Variants in ARID5B observed in about 807,000 individuals in gnomAD.
The protein encoded by ARID5B is AT-rich interaction domain 5B.
A neutral mutation model predicts 97.2 loss-of-function variants in ARID5B; 13 were observed. The ratio of observed to expected loss-of-function variants is 0.13; its 90% confidence interval spans 0.09 to 0.21. The LOEUF is 0.21. Ranked by LOEUF, ARID5B falls within the 10% of genes least tolerant of loss-of-function variation. The pLI, the probability that ARID5B is intolerant of heterozygous loss-of-function variation, is 1.00. For missense variants in ARID5B, 1,210 were observed against 1,465.3 expected (o/e 0.83, Z 2.84); for synonymous variants, 556 against 570.3 (o/e 0.97, Z 0.36).
chr10:62,008,059 ACAACACACACAC>A (rs1839168742), intron 4 of ARID5B, among the ~76,000 whole-genome samples: 1 of 10,274 alleles, frequency 9.7e-5, no homozygotes, highest in Non-Finnish European at 2.0e-4. Flanking sequence ...CCCCCGCCCC[ACAACACACACAC>A]ACACACACAC....
chr10:61,932,027 A>G (rs1844218780), intron 2 of ARID5B, among the ~76,000 whole-genome samples: 1 of 152,180 alleles, frequency 6.6e-6, no homozygotes, highest in Admixed American at 6.5e-5. Flanking sequence ...AATTGAAAAT[A>G]TGGGTTCACA....
At chr10:61,954,864 G>C (rs1234106154) in intron 3 of ARID5B, among the ~76,000 whole-genome samples, 3 of 152,036 alleles carry the variant, frequency 2.0e-5, no homozygotes, top group Admixed American at 2.0e-4. Flanking sequence ...AAATTAGCTT[G>C]GCATGGTGGT....
chr10:62,000,436 C>T lies in ARID5B; in HGVS notation c.733+115C>T. 1 of 948,878 alleles carries T rather than the reference C, an allele frequency of 1.1e-6. No individual in the cohort carries two copies. The highest frequency in any genetic ancestry group is 1.5e-6 in the Non-Finnish European group (1 of 647,256). The allele number at this position is 948,878 out of a possible 1,614,324, so 58.8% of individuals were successfully genotyped here. Reference sequence around the variant, plus strand: ...GGCTCACTTTCACAAGCCCCATGTGCTGCCCCACCCCTCCCATCCCCCAAA... The same window carrying T: ...GGCTCACTTTCACAAGCCCCATGTGTTGCCCCACCCCTCCCATCCCCCAAA... On this transcript the variant is annotated intron_variant, in intron 4 of 9. Transcript: ENST00000279873. The surrounding 1 kb of genome is among the most constrained non-coding windows in gnomAD (Gnocchi z 4.4).
chr10:62,009,177 G>A (rs2132877221), intron 4 of ARID5B, among the ~76,000 whole-genome samples: 1 of 152,296 alleles, frequency 6.6e-6, no homozygotes, highest in South Asian at 2.1e-4. Flanking sequence ...CATCATCTGG[G>A]CTTTATGTTC....
intron 4 of ARID5B, among the ~76,000 whole-genome samples, chr10:62,030,122 CTTTTTCTTTTTCTTTT>C (rs1223792624): frequency 6.6e-6 from 1 of 151,272 alleles, no homozygotes; most frequent in Non-Finnish European, 1.5e-5. Flanking sequence ...TTTTTCTTTT[CTTTTTCTTTTTCTTTT>C]TTTTTTTGAG....
At chr10:61,950,070 C>T (rs796962284) in intron 3 of ARID5B, among the ~76,000 whole-genome samples, 22 of 152,106 alleles carry the variant, frequency 1.4e-4, no homozygotes, top group African/African-American at 4.3e-4. Context: ...TGCAGTGGTG[C>T]GATCTCTGCA....
intron 4 of ARID5B, among the ~76,000 whole-genome samples, chr10:62,010,818 C>T (rs1839207226): frequency 6.6e-6 from 1 of 152,186 alleles, no homozygotes; most frequent in Non-Finnish European, 1.5e-5. Flanking sequence ...CACTAACAAC[C>T]TTTCCAACTT....
intron 4 of ARID5B, among the ~76,000 whole-genome samples, chr10:62,035,919 C>T (rs1386156545): frequency 1.3e-5 from 2 of 151,748 alleles, no homozygotes; most frequent in Non-Finnish European, 2.9e-5. Context: ...CTGCCTCCCA[C>T]GGTCAAGCAA....
At chr10:61,916,849 A>G (rs1843915255) in intron 2 of ARID5B, among the ~76,000 whole-genome samples, 1 of 152,196 alleles carries the variant, frequency 6.6e-6, no homozygotes, top group South Asian at 2.1e-4. Flanking sequence ...GAGGTCTTCC[A>G]TTGACTGTCT....
rs557980468 is a variant in ARID5B, at chr10:62,032,540, C to T, written c.734-18348C>T. ...GACCAGCCTGGCCAACATGGTGAAA[C>T]CCTGTCTCTACTAAGAATACAAAAA... On this transcript the variant is annotated intron_variant, in intron 4 of 9. Transcript: ENST00000279873. 2.0e-5 allele frequency among the ~76,000 whole-genome samples: 3 copies of T among 151,982 alleles called. No homozygotes were observed. The South Asian group carries it at 6.2e-4, about 32-fold the overall frequency.
intron 2 of ARID5B, among the ~76,000 whole-genome samples, chr10:61,921,079 T>C (rs918172796): frequency 6.5e-5 from 9 of 138,678 alleles, no homozygotes; most frequent in African/African-American, 2.2e-4. Flanking sequence ...CTAGGAATAC[T>C]TGAAACATAT....
In ARID5B at chr10:62,008,056, CCCA is replaced by C. The variant is rs1265656439; in HGVS notation, c.733+7737_733+7739del. On this transcript the variant is annotated intron_variant, in intron 4 of 9. Coordinates refer to ENST00000279873, the MANE Select transcript of ARID5B (RefSeq NM_032199.3). ...CGCCCCCTCCACCCACCTCCCCCGC[CCCA>C]CAACACACACACACACACACACACA... 1.7e-3 allele frequency among the ~76,000 whole-genome samples: 196 copies of C among 114,972 alleles called. 1 individual carries two copies. The highest frequency in any genetic ancestry group is 3.6e-3 in the Middle Eastern group (1 of 274). 75.4% of individuals were successfully genotyped at this position (114,972 alleles called of 152,430 possible).
chr10:61,924,696 A>C (rs938721687), intron 2 of ARID5B, among the ~76,000 whole-genome samples: 2 of 152,210 alleles, frequency 1.3e-5, no homozygotes, highest in Admixed American at 6.5e-5. Flanking sequence ...AAGTGTCCTA[A>C]ATAGGCATAA....
At chr10:61,978,995 G>T (rs1397949487) in intron 3 of ARID5B, among the ~76,000 whole-genome samples, 3 of 152,188 alleles carry the variant, frequency 2.0e-5, no homozygotes, top group Admixed American at 1.3e-4. Flanking sequence ...TTGGCTGTGG[G>T]TTTGTCATAA....
intron 3 of ARID5B, among the ~76,000 whole-genome samples, chr10:61,960,255 C>G (rs992561328): frequency 1.3e-5 from 2 of 152,148 alleles, no homozygotes; most frequent in Non-Finnish European, 2.9e-5. Flanking sequence ...ATACTACGTA[C>G]AGTAATGTCT....
chr10:62,038,354 C>T (rs1839591343), intron 4 of ARID5B, among the ~76,000 whole-genome samples: 1 of 147,688 alleles, frequency 6.8e-6, no homozygotes, highest in Admixed American at 6.8e-5. Context: ...TTGTCAGAAA[C>T]AAACTGTTCC....
At position 62,094,465 on chromosome 10, in the gene ARID5B, T is replaced by C. The variant is rs1303587771; in HGVS notation, c.*1435T>C. ...ATTTGGTTTTATGGGGTGTGAGTTT[T>C]GTGTGTACACACACAGAAACATGTA... On this transcript the variant is annotated 3_prime_UTR_variant, in exon 10 of 10. Transcript: ENST00000279873. 4 of 231,006 alleles carry C rather than the reference T, an allele frequency of 1.7e-5. No homozygotes were observed. The highest frequency in any genetic ancestry group is 3.4e-5 in the Non-Finnish European group (4 of 116,704). 14.3% of individuals were successfully genotyped at this position (231,006 alleles called of 1,614,324 possible).
chr10:62,008,061 AACACACAC>A (rs369982502), intron 4 of ARID5B, among the ~76,000 whole-genome samples: 13 of 66,532 alleles, frequency 2.0e-4, no homozygotes, highest in East Asian at 4.4e-4. Context: ...CCCGCCCCAC[AACACACAC>A]ACACACACAC....
At chr10:61,922,596 C>G (rs145365557) in intron 2 of ARID5B, among the ~76,000 whole-genome samples, 119 of 152,262 alleles carry the variant, frequency 7.8e-4, no homozygotes, top group African/African-American at 2.8e-3. Flanking sequence ...GAGTGAGACT[C>G]CGTCTCAAAA....
Sources: allele counts gnomAD v4.1 joint callset (sites outside exome capture counted in the v4.1 genomes callset), GRCh38; gene constraint gnomAD v4.1.1; non-coding constraint Gnocchi (gnomAD v3.1); transcripts MANE v1.5; gene names NCBI Gene and HGNC (gene_info 2026-07-23, HGNC 2026-07-21).